Variants in SLIT1 observed in about 807,000 individuals in gnomAD.
The protein encoded by SLIT1 is slit homolog 1 protein.
Under a neutral mutation model 186.1 loss-of-function variants are expected in SLIT1, and 66 were observed. That is an observed-to-expected ratio of 0.35 (90% CI 0.29 to 0.44). SLIT1 has a LOEUF of 0.44. SLIT1 is among the 20% of genes least tolerant of loss of function. The pLI is 1.00. For synonymous variants in SLIT1, 761 were observed against 833.8 expected, an observed-to-expected ratio of 0.91 and a Z score of 1.50; for missense variants, 1,638 against 2,037.4, an observed-to-expected ratio of 0.80 and a Z score of 3.77.
rs1491217753 is a variant in SLIT1, at chr10:97,166,553, AGG to A, written c.198-1665_198-1664del. Among the ~76,000 whole-genome samples, 21 of 48,724 alleles carry A rather than the reference AGG, an allele frequency of 4.3e-4. 1 individual carries two copies. Among genetic ancestry groups the A allele is most frequent in the East Asian group, 7.8e-4 (1 of 1,288 alleles). The allele number at this position is 48,724 out of a possible 152,430, so 32.0% of individuals were successfully genotyped here. A position where few individuals can be genotyped will look rare whatever the true frequency, so the allele number is the denominator to read the frequency against. Reference sequence around the variant, plus strand: ...AAAGAAGGAAGGAAGGAAGGAAGGAAGGAAAGAGAGAGAGAGAGAAAGAAAGA... The same window carrying A: ...AAAGAAGGAAGGAAGGAAGGAAGGAAAAAGAGAGAGAGAGAGAAAGAAAGA... On this transcript the variant is annotated intron_variant, in intron 1 of 36. Transcript: ENST00000266058.
intron 4 of SLIT1, 57 bp downstream of exon 4, chr10:97,157,761 C>T: frequency 7.3e-7 from 1 of 1,362,642 alleles, no homozygotes. Context: ...CTGTGCCTCC[C>T]ACAGGGTGAG....
intron 20 of SLIT1, 91 bp from the exon 21 acceptor site, chr10:97,040,211 G>C: frequency 7.6e-7 from 1 of 1,322,812 alleles, no homozygotes; most frequent in Non-Finnish European, 1.0e-6. Flanking sequence ...GGGCCTCTCA[G>C]AACAGAAGAC....
chr10:97,023,797 G>T (rs2134603046), intron 25 of SLIT1, among the ~76,000 whole-genome samples: 1 of 152,320 alleles, frequency 6.6e-6, no homozygotes, highest in Non-Finnish European at 1.5e-5. Flanking sequence ...ACAAAAATTA[G>T]CCGGGTGTGG....
At chr10:97,150,060 T>C (rs952430199) in intron 4 of SLIT1, among the ~76,000 whole-genome samples, 3 of 152,164 alleles carry the variant, frequency 2.0e-5, no homozygotes, top group Non-Finnish European at 4.4e-5. Flanking sequence ...GCTAGTGAAA[T>C]TCCTTTCTGG....
At chr10:97,007,957 G>A (rs887494192) in intron 31 of SLIT1, among the ~76,000 whole-genome samples, 2 of 148,976 alleles carry the variant, frequency 1.3e-5, no homozygotes, top group Admixed American at 1.3e-4. Context: ...TAGGAAAAAG[G>A]GAAAGGAAAG....
chr10:97,099,768 G>C (rs1220531162), intron 4 of SLIT1, among the ~76,000 whole-genome samples: 1 of 152,174 alleles, frequency 6.6e-6, no homozygotes, highest in Non-Finnish European at 1.5e-5. Flanking sequence ...CTCGCCCAGG[G>C]GAGGCCAGAG....
Position 97,185,570 on chromosome 10 carries a change from G to T in SLIT1, c.105C>A (p.Pro35=), listed in dbSNP as rs772538060. 1 of 1,608,218 alleles carries T rather than the reference G, an allele frequency of 6.2e-7. No individual in the cohort carries two copies. Among genetic ancestry groups the T allele is most frequent in the South Asian group, 1.1e-5 (1 of 90,324 alleles). The change falls in exon 1 of 37, where the codon CCC becomes CCA. Residue 35 remains proline, a synonymous_variant. Transcript: ENST00000266058. ...TGGTTCCGGTGCAGGTGCAGAGGGC[G>T]GGGCACGCCGAGGCACCCAGGCGCC... ...AAWRLGASAC[P]ALCTCTGTTV...
At chr10:97,047,873 G>C in intron 15 of SLIT1, 39 bp from the exon 16 acceptor site, 1 of 1,613,140 alleles carries the variant, frequency 6.2e-7, no homozygotes, top group Non-Finnish European at 8.5e-7. Context: ...GAGGAGCCCG[G>C]GGCCGGCTCC....
Position 97,010,394 on chromosome 10 carries a change from G to A in SLIT1, c.3341+599C>T, listed in dbSNP as rs573149788. Among the ~76,000 whole-genome samples the A allele has an allele frequency of 5.0e-4, 76 of 152,348 alleles. No individual in the cohort carries two copies. The highest frequency in any genetic ancestry group is 1.8e-3 in the African/African-American group (73 of 41,584). The stretch of plus-strand genomic sequence containing the variant: ...CACAAATATTAGGAGATTAGTAGTT[G>A]CCTGGAGCTGGGATAGAAGAGGGGC... On this transcript the variant is annotated intron_variant, in intron 31 of 36. Transcript: ENST00000266058. The surrounding 1 kb of genome is among the most constrained non-coding windows in gnomAD (Gnocchi z 4.8).
chr10:97,059,626 A>T lies in SLIT1; in HGVS notation c.1014-95T>A. 3.3e-6 allele frequency: 3 copies of T among 902,216 alleles called. No homozygotes were observed. In the South Asian group the frequency reaches 4.0e-5, roughly 12 times the overall value. The allele number at this position is 902,216 out of a possible 1,614,324, so 55.9% of individuals were successfully genotyped here. ...TCCACCTCCTAGATGTCACAGGAGC[A>T]GGGTGGAGTGCTTTGAAATGAGAAT... is the stretch of plus-strand genomic sequence containing the variant. On this transcript the variant is annotated intron_variant, in intron 10 of 36. Coordinates refer to ENST00000266058, the MANE Select transcript of SLIT1 (RefSeq NM_003061.3).
At chr10:97,071,181 C>A (rs910473001) in intron 4 of SLIT1, among the ~76,000 whole-genome samples, 2 of 152,168 alleles carry the variant, frequency 1.3e-5, no homozygotes, top group Non-Finnish European at 2.9e-5. Flanking sequence ...AAGTTGCTGG[C>A]CATACACCTA....
intron 25 of SLIT1, among the ~76,000 whole-genome samples, chr10:97,028,185 G>A (rs1848562663): frequency 6.6e-6 from 1 of 152,120 alleles, no homozygotes; most frequent in Admixed American, 6.5e-5. Context: ...ACAAGCCCCT[G>A]TGAATTCAAG....
chr10:97,037,645 C>G (rs1396350282), intron 22 of SLIT1, 53 bp downstream of exon 22: 10 of 1,415,518 alleles, frequency 7.1e-6, no homozygotes, highest in Non-Finnish European at 1.0e-5. Context: ...AGCCGGAGTC[C>G]TGATGGTTAG....
chr10:97,015,362 A>C (rs1399032291), intron 28 of SLIT1, among the ~76,000 whole-genome samples: 1 of 152,226 alleles, frequency 6.6e-6, no homozygotes, highest in Admixed American at 6.5e-5. Context: ...TAATTGAAGG[A>C]AGGCCTCATA....
At chr10:97,095,237 T>C (rs923492280) in intron 4 of SLIT1, among the ~76,000 whole-genome samples, 1 of 152,150 alleles carries the variant, frequency 6.6e-6, no homozygotes, top group Admixed American at 6.5e-5. Context: ...GAGCAGAGAT[T>C]GCTCCAGTGC....
chr10:97,076,248 G>A (rs1000177770), intron 4 of SLIT1, among the ~76,000 whole-genome samples: 1 of 152,198 alleles, frequency 6.6e-6, no homozygotes, highest in Non-Finnish European at 1.5e-5. Context: ...ATTGCCAGGA[G>A]GTCAGGAGTC....
intron 23 of SLIT1, among the ~76,000 whole-genome samples, 156 bp from the exon 24 acceptor site, chr10:97,031,833 C>T (rs191032749): frequency 8.4e-4 from 128 of 152,366 alleles, no homozygotes; most frequent in African/African-American, 2.8e-3. Flanking sequence ...GGCTGGGCTG[C>T]GCCCTAAGAA....
chr10:97,034,594 T>A, intron 22 of SLIT1, 52 bp from the exon 23 acceptor site: 1 of 1,500,942 alleles, frequency 6.7e-7, no homozygotes, highest in Non-Finnish European at 9.3e-7. Flanking sequence ...CAGCCCTGGC[T>A]CACATTCACG....
intron 4 of SLIT1, among the ~76,000 whole-genome samples, chr10:97,144,760 AT>A (rs1168609899): frequency 2.0e-5 from 3 of 152,162 alleles, no homozygotes; most frequent in Non-Finnish European, 4.4e-5. Flanking sequence ...AGGACAGCAA[AT>A]TGTCCTCAGC....
Sources: allele counts gnomAD v4.1 joint callset (sites outside exome capture counted in the v4.1 genomes callset), GRCh38; gene constraint gnomAD v4.1.1; non-coding constraint Gnocchi (gnomAD v3.1); transcripts MANE v1.5; gene names NCBI Gene and HGNC (gene_info 2026-07-23, HGNC 2026-07-21).